Variants in RPS6KA5 observed in about 807,000 individuals in gnomAD.
RPS6KA5 encodes the protein ribosomal protein S6 kinase alpha-5.
RPS6KA5 carries 27 observed loss-of-function variants against 85.5 expected under a neutral mutation model. The observed-to-expected ratio is 0.32, with a 90% CI of 0.23 to 0.44. The LOEUF (loss-of-function observed/expected upper bound fraction) is 0.44. RPS6KA5 is among the 20% of genes least tolerant of loss of function. The pLI, the probability that RPS6KA5 is intolerant of heterozygous loss-of-function variation, is 1.00. For synonymous variants in RPS6KA5, 334 were observed against 348.2 expected (o/e 0.96, Z 0.46); for missense variants, 811 against 980.9 (o/e 0.83, Z 2.31).
intron 1 of RPS6KA5, among the ~76,000 whole-genome samples, chr14:91,047,466 C>G (rs2042921937): frequency 1.3e-5 from 2 of 152,224 alleles, no homozygotes; most frequent in Admixed American, 1.3e-4. Flanking sequence ...CCTGCAGATT[C>G]ATTAGAGAAG....
chr14:90,906,901 CA>C (rs1302894752), intron 7 of RPS6KA5, among the ~76,000 whole-genome samples: 1 of 152,022 alleles, frequency 6.6e-6, no homozygotes, highest in African/African-American at 2.4e-5. Context: ...GTACCTGCTT[CA>C]ATGTTTGCTG....
At chr14:90,953,034 G>C (rs766784593) in intron 3 of RPS6KA5, among the ~76,000 whole-genome samples, 1 of 152,042 alleles carries the variant, frequency 6.6e-6, no homozygotes. Context: ...AGAATCCTGC[G>C]TCAAAACCAA....
rs147475766 is a variant in RPS6KA5 at position 90,881,721 on chromosome 14, G to C, written c.1837-6361C>G. ...TCACCATGTTGGCCAGGCTGGTCTC[G>C]AACTTCTGACCTCAAGCGACTCGCC... is the stretch of plus-strand genomic sequence containing the variant. On this transcript the variant is annotated intron_variant, in intron 14 of 16. Coordinates refer to ENST00000614987, the MANE Select transcript of RPS6KA5 (RefSeq NM_004755.4). Among the ~76,000 whole-genome samples, 1,237 of 152,086 alleles carry C rather than the reference G, an allele frequency of 8.1e-3. 19 individuals are homozygous for C. The highest frequency in any genetic ancestry group is 0.029 in the African/African-American group (1,188 of 41,498).
chr14:90,975,323 T>C (rs929597001), intron 3 of RPS6KA5, among the ~76,000 whole-genome samples: 11 of 152,344 alleles, frequency 7.2e-5, no homozygotes, highest in African/African-American at 2.4e-4. Flanking sequence ...ATAAACCTTT[T>C]GGGACTGTTA....
At chr14:90,997,748 C>T (rs1230608268) in intron 2 of RPS6KA5, among the ~76,000 whole-genome samples, 2 of 152,216 alleles carry the variant, frequency 1.3e-5, no homozygotes, top group East Asian at 1.9e-4. Context: ...GGGTGGCTCA[C>T]GCCTGTAATT....
intron 14 of RPS6KA5, among the ~76,000 whole-genome samples, chr14:90,876,259 A>T (rs2033467684): frequency 6.6e-6 from 1 of 152,236 alleles, no homozygotes; most frequent in South Asian, 2.1e-4. Flanking sequence ...AGAACTCCTG[A>T]ATAACTATGT....
intron 9 of RPS6KA5, among the ~76,000 whole-genome samples, chr14:90,901,897 G>C (rs962229909): frequency 6.6e-6 from 1 of 152,190 alleles, no homozygotes; most frequent in African/African-American, 2.4e-5. Flanking sequence ...TTTATATGGG[G>C]GTTGAGGGGC....
intron 5 of RPS6KA5, among the ~76,000 whole-genome samples, chr14:90,923,712 AT>A (rs1222042804): frequency 6.6e-6 from 1 of 151,476 alleles, no homozygotes; most frequent in East Asian, 1.9e-4. Flanking sequence ...AAGAATAAAA[AT>A]TTTTTTTTCT....
intron 14 of RPS6KA5, among the ~76,000 whole-genome samples, chr14:90,876,732 G>A (rs1281111730): frequency 6.6e-6 from 1 of 152,206 alleles, no homozygotes; most frequent in Non-Finnish European, 1.5e-5. Context: ...AGTGGTGTCG[G>A]CAGGAGCCTG....
chr14:90,949,833 A>G (rs1451221380), intron 3 of RPS6KA5, among the ~76,000 whole-genome samples: 2 of 152,252 alleles, frequency 1.3e-5, no homozygotes, highest in Non-Finnish European at 2.9e-5. Context: ...GAGATTGCGA[A>G]AAAGTAACTA....
chr14:91,000,622 G>T (rs1025345475), intron 2 of RPS6KA5, among the ~76,000 whole-genome samples: 1 of 152,078 alleles, frequency 6.6e-6, no homozygotes, highest in African/African-American at 2.4e-5. Flanking sequence ...GAACAACATG[G>T]TGAAACCCCG....
At chr14:91,024,891 AT>A (rs1321257757) in intron 1 of RPS6KA5, among the ~76,000 whole-genome samples, 4 of 151,316 alleles carry the variant, frequency 2.6e-5, no homozygotes, top group African/African-American at 9.7e-5. Context: ...TTTTTTTTAA[AT>A]TTTTTTTGAG....
At chr14:90,902,487 T>A (rs2035227250) in intron 9 of RPS6KA5, among the ~76,000 whole-genome samples, 1 of 152,144 alleles carries the variant, frequency 6.6e-6, no homozygotes, top group South Asian at 2.1e-4. Context: ...CCTGTCTATA[T>A]AAATAAAAAT....
intron 2 of RPS6KA5, among the ~76,000 whole-genome samples, chr14:90,985,885 C>A (rs944973013): frequency 1.6e-4 from 24 of 152,094 alleles, no homozygotes; most frequent in African/African-American, 5.3e-4. Flanking sequence ...TTACATGAAC[C>A]ACTGAAATGT....
chr14:90,977,236 A>G (rs565828525), intron 3 of RPS6KA5, among the ~76,000 whole-genome samples: 12 of 152,346 alleles, frequency 7.9e-5, no homozygotes, highest in Non-Finnish European at 1.8e-4. Flanking sequence ...AATCCTTACC[A>G]TAATTCTAGG....
chr14:90,873,591 C>A, intron 16 of RPS6KA5, 41 bp downstream of exon 16: 1 of 1,536,882 alleles, frequency 6.5e-7, no homozygotes, highest in South Asian at 1.3e-5. Context: ...ATTATGATTC[C>A]TACTCAAACC....
chr14:91,024,342 G>A (rs1210744749), intron 1 of RPS6KA5, among the ~76,000 whole-genome samples: 1 of 151,454 alleles, frequency 6.6e-6, no homozygotes. Flanking sequence ...ATCATCTAAT[G>A]CTTGTCTCAG....
chr14:91,040,849 A>G (rs960622263), intron 1 of RPS6KA5, among the ~76,000 whole-genome samples: 3 of 152,334 alleles, frequency 2.0e-5, no homozygotes, highest in African/African-American at 7.2e-5. Context: ...GTTAGATTCA[A>G]ACTGAGACAT....
chr14:90,935,704 TTTTCCC>T (rs1257238736), intron 5 of RPS6KA5, among the ~76,000 whole-genome samples: 1 of 152,220 alleles, frequency 6.6e-6, no homozygotes, highest in African/African-American at 2.4e-5. Context: ...ATCCATAGGC[TTTTCCC>T]TTTAAGTACA....
Sources: allele counts gnomAD v4.1 joint callset (sites outside exome capture counted in the v4.1 genomes callset), GRCh38; gene constraint gnomAD v4.1.1; transcripts MANE v1.5; gene names NCBI Gene and HGNC (gene_info 2026-07-23, HGNC 2026-07-21).